IARS1: variants seen among roughly 807,000 people sequenced by gnomAD.
IARS1 encodes isoleucyl-tRNA synthetase 1.
IARS1 carries 124 observed loss-of-function variants against 168.2 expected under a neutral mutation model. The ratio of observed to expected loss-of-function variants is 0.74; its 90% CI spans 0.64 to 0.86. IARS1 has a LOEUF of 0.86. Among genes scored for constraint, IARS1 ranks in the 40% least tolerant of loss-of-function variants. IARS1 has a pLI of 0.00. For synonymous variants in IARS1, 532 were observed against 529.4 expected (o/e 1.00, Z -0.07); for missense variants, 1,452 against 1,515.8 (o/e 0.96, Z 0.70).
intron 20 of IARS1, among the ~76,000 whole-genome samples, chr9:92,254,154 A>T (rs1336550120): frequency 6.6e-6 from 1 of 152,204 alleles, no homozygotes; most frequent in Admixed American, 6.5e-5. Context: ...GGCCTTCTAA[A>T]CATTAAAACA....
chr9:92,275,304 G>A (rs1483789170), intron 9 of IARS1, among the ~76,000 whole-genome samples: 2 of 152,206 alleles, frequency 1.3e-5, no homozygotes, highest in Non-Finnish European at 2.9e-5. Flanking sequence ...TTTCACAGAT[G>A]AGCAAGCTCA....
At chr9:92,237,390 G>A (rs1827696316) in intron 30 of IARS1, among the ~76,000 whole-genome samples, 1 of 152,152 alleles carries the variant, frequency 6.6e-6, no homozygotes, top group Admixed American at 6.5e-5. Flanking sequence ...TGTGGTCAGA[G>A]AGCACACTCT....
rs764388318 is a variant in IARS1 at position 92,247,437 on chromosome 9, C to T, written c.2731G>A (p.Ala911Thr). 4 of 1,614,052 alleles carry T rather than the reference C, an allele frequency of 2.5e-6. No homozygotes were observed. The highest frequency in any genetic ancestry group is 3.4e-6 in the Non-Finnish European group (4 of 1,180,054). Residue 911 changes from alanine to threonine, a missense_variant, in exon 26 of 34, where the codon GCA becomes ACA. Coordinates refer to ENST00000443024, the MANE Select transcript of IARS1 (RefSeq NM_002161.6). The part of the protein sequence containing the change: ...LGKRLKGAFK[A>T]VMTSIKQLSS... The stretch of plus-strand genomic sequence containing the variant: ...AACTGCTTGATGGACGTCATCACTG[C>T]CTTAAAGGCTCCCTTCAGACGCTTC...
chr9:92,234,277 AG>A (rs1268152404), intron 30 of IARS1, among the ~76,000 whole-genome samples: 1 of 152,242 alleles, frequency 6.6e-6, no homozygotes. Context: ...CAAAGGGTAT[AG>A]AAAAAGGCCA....
intron 22 of IARS1, 37 bp downstream of exon 22, chr9:92,251,771 A>AG: frequency 6.6e-7 from 1 of 1,513,658 alleles, no homozygotes; most frequent in Non-Finnish European, 9.2e-7. Context: ...GGCAGCCCAT[A>AG]GGCCAAAGGG....
Position 92,249,896 on chromosome 9 carries a change from G to A in IARS1, c.2578C>T (p.Leu860Phe), listed in dbSNP as rs1233193290. ...IVVIHQDPEA[L>F]KDIKSLEKYI... Reference sequence around the variant, plus strand: ...TTCTCCAAAGACTTGATATCTTTAAGAGCTTCTGGATCTTGATGGATAACC... The same window carrying A: ...TTCTCCAAAGACTTGATATCTTTAAAAGCTTCTGGATCTTGATGGATAACC... Residue 860 changes from leucine (L) to phenylalanine (F), a missense_variant, in exon 25 of 34, where the codon CTT becomes TTT. Coordinates refer to ENST00000443024, the MANE Select transcript of IARS1 (RefSeq NM_002161.6). The A allele has an allele frequency of 6.2e-7, 1 of 1,607,304 alleles. No homozygotes were observed. The highest frequency in any genetic ancestry group is 1.3e-5 in the African/African-American group (1 of 74,784).
rs771954001 is a variant in IARS1 at position 92,263,056 on chromosome 9, C to T, written c.1701-1G>A. On this transcript the variant is annotated splice_acceptor_variant, in intron 16 of 33. Coordinates refer to ENST00000443024, the MANE Select transcript of IARS1 (RefSeq NM_002161.6). LOFTEE classifies it high-confidence loss of function. ...GGCCAGCACCAGCAGGGTATAAAAC[C>T]TGAAAAAAAACCCCAAACAGTTCAA... 1.9e-6 allele frequency: 3 copies of T among 1,611,262 alleles called. No homozygotes were observed. The South Asian group carries it at 3.3e-5, about 18-fold the overall frequency.
chr9:92,253,223 T>C (rs1160461160), intron 21 of IARS1, 139 bp downstream of exon 21: 3 of 661,442 alleles, frequency 4.5e-6, no homozygotes, highest in South Asian at 1.7e-5. Context: ...TAAAATGCAA[T>C]GTAAAAGGAA....
At chr9:92,259,653 T>A (rs967817491) in intron 18 of IARS1, among the ~76,000 whole-genome samples, 1 of 152,188 alleles carries the variant, frequency 6.6e-6, no homozygotes, top group South Asian at 2.1e-4. Flanking sequence ...GAACAAGATC[T>A]CTAGGTCCCT....
rs1829807431 is a variant in IARS1, at chr9:92,250,194, G to T, written c.2525C>A (p.Pro842His). 6.3e-7 allele frequency: 1 copy of T among 1,596,250 alleles called. No individual in the cohort carries two copies. The highest frequency in any genetic ancestry group is 8.6e-7 in the Non-Finnish European group (1 of 1,163,848). ...GRVIRDRKTI[P>H]IKYPLKEIVV... ...AGAAGTAAAATTTCAAACCTTTATG[G>T]GAATAGTTTTTCGGTCTCTGATCAC... is the stretch of plus-strand genomic sequence containing the variant. The change falls in exon 24 of 34, where the codon CCC becomes CAC. Residue 842 changes from proline (P) to histidine (H), a missense_variant. Pro to His is a moderately conservative substitution (Grantham distance 77). Coordinates refer to ENST00000443024, the MANE Select transcript of IARS1 (RefSeq NM_002161.6).
chr9:92,255,005 C>A (rs183926579), intron 20 of IARS1, among the ~76,000 whole-genome samples: 1 of 152,306 alleles, frequency 6.6e-6, no homozygotes, highest in Admixed American at 6.5e-5. Flanking sequence ...ACAATCCCCA[C>A]GTTTCCCACC....
intron 9 of IARS1, among the ~76,000 whole-genome samples, chr9:92,276,998 T>C (rs1056525181): frequency 7.2e-5 from 11 of 152,188 alleles, no homozygotes; most frequent in Non-Finnish European, 1.5e-4. Context: ...TGAAATAAAA[T>C]TGTGTTTACC....
chr9:92,233,383 G>GT, intron 30 of IARS1, among the ~76,000 whole-genome samples: 1 of 152,306 alleles, frequency 6.6e-6, no homozygotes. Flanking sequence ...ATAGTTAATT[G>GT]TTTTACTCTG....
At chr9:92,260,919 A>G (rs1287979065) in intron 17 of IARS1, among the ~76,000 whole-genome samples, 1 of 152,220 alleles carries the variant, frequency 6.6e-6, no homozygotes, top group East Asian at 1.9e-4. Flanking sequence ...CAAACAAACC[A>G]TGGCATACCC....
At position 92,259,000 on chromosome 9, in the gene IARS1, TGGAAGAG is replaced by T. The variant is rs1418601913; in HGVS notation, c.1872-9_1872-3del. 6.3e-7 allele frequency: 1 copy of T among 1,592,822 alleles called. No homozygotes were observed. Among genetic ancestry groups the T allele is most frequent in the African/African-American group, 1.4e-5 (1 of 73,706 alleles). ...ACAGGGGAGTTAATCAGATATAATC[TGGAAGAG>T]GGAGAAAAATTAGACAGAAAAGGTA... On this transcript the variant is annotated splice_region_variant and splice_polypyrimidine_tract_variant and intron_variant, in intron 18 of 33. Transcript: ENST00000443024.
chr9:92,226,938 C>T (rs1409692716), intron 31 of IARS1, among the ~76,000 whole-genome samples: 1 of 138,640 alleles, frequency 7.2e-6, no homozygotes, highest in Non-Finnish European at 1.5e-5. Context: ...TTTTCCTAGG[C>T]AGAGGACCCT....
intron 6 of IARS1, among the ~76,000 whole-genome samples, chr9:92,281,674 G>T (rs1834593643): frequency 6.6e-6 from 1 of 151,788 alleles, no homozygotes; most frequent in African/African-American, 2.4e-5. Flanking sequence ...CAACTTTACG[G>T]AAATGTTTCA....
intron 21 of IARS1, chr9:92,252,251 A>G: frequency 2.3e-6 from 1 of 431,856 alleles, no homozygotes; most frequent in Admixed American, 3.0e-5. Context: ...GTACCTTTAA[A>G]TAAGATTTAT....
intron 27 of IARS1, among the ~76,000 whole-genome samples, chr9:92,244,070 A>G (rs1265192603): frequency 6.6e-6 from 1 of 152,184 alleles, no homozygotes; most frequent in East Asian, 1.9e-4. Context: ...TGATAAACTC[A>G]AAATTCCAGT....
Sources: gnomAD v4.1 joint callset for allele counts (sites outside exome capture counted in the v4.1 genomes callset) on GRCh38, gnomAD v4.1.1 for gene constraint, MANE v1.5 for transcripts, NCBI Gene and HGNC (gene_info 2026-07-23, HGNC 2026-07-21) for gene names.